NKAIN2: variants seen among roughly 807,000 people sequenced by gnomAD.
NKAIN2 encodes the protein sodium/potassium transporting ATPase interacting 2, also known as sodium/potassium-transporting ATPase subunit beta-1-interacting protein 2.
NKAIN2 carries 14 observed loss-of-function variants against 32.6 expected under a neutral mutation model. The ratio of observed to expected loss-of-function variants is 0.43; its 90% confidence interval spans 0.28 to 0.67. The LOEUF is 0.67. Among genes scored for constraint, NKAIN2 ranks in the 30% least tolerant of loss-of-function variants. NKAIN2 has a pLI of 0.17. For synonymous variants in NKAIN2, 80 were observed against 87.2 expected (o/e 0.92, Z 0.46); for missense variants, 198 against 258.3 (o/e 0.77, Z 1.60).
intron 1 of NKAIN2, among the ~76,000 whole-genome samples, chr6:123,901,599 G>A (rs1383519612): frequency 6.6e-6 from 1 of 152,100 alleles, no homozygotes; most frequent in Non-Finnish European, 1.5e-5. Flanking sequence ...GTAAATTTAT[G>A]GTAGACATTT....
chr6:124,278,627 CACAA>C (rs1350728111), intron 1 of NKAIN2, among the ~76,000 whole-genome samples: 1 of 137,498 alleles, frequency 7.3e-6, no homozygotes, highest in African/African-American at 2.7e-5. Flanking sequence ...TACATACACA[CACAA>C]ACACACATAT....
chr6:123,916,607 C>T (rs1045262843), intron 1 of NKAIN2, among the ~76,000 whole-genome samples: 4 of 151,754 alleles, frequency 2.6e-5, no homozygotes, highest in East Asian at 1.9e-4. Context: ...TGCAGAAGAA[C>T]GAAGAAGATG....
In NKAIN2 at chr6:124,076,553, T is replaced by C. The variant is rs9491064; in HGVS notation, c.55-206452T>C. Reference sequence around the variant, plus strand: ...GAAAGTAATCTAGCCTGTCTTGCTCTCTGCTTTAGATGGAACACGTGAGGG... The same window carrying C: ...GAAAGTAATCTAGCCTGTCTTGCTCCCTGCTTTAGATGGAACACGTGAGGG... On this transcript the variant is annotated intron_variant, in intron 1 of 6. Transcript: ENST00000368417. Among the ~76,000 whole-genome samples the C allele has an allele frequency of 8.5e-5, 13 of 152,354 alleles. No homozygotes were observed. The East Asian group carries it at 1.2e-3, about 14-fold the overall frequency.
chr6:124,275,140 A>T (rs1392411170), intron 1 of NKAIN2, among the ~76,000 whole-genome samples: 1 of 152,152 alleles, frequency 6.6e-6, no homozygotes, highest in East Asian at 1.9e-4. Flanking sequence ...GCTATGCAGA[A>T]TGAACAGCTG....
At chr6:123,929,134 A>G (rs1430026679) in intron 1 of NKAIN2, among the ~76,000 whole-genome samples, 2 of 152,106 alleles carry the variant, frequency 1.3e-5, no homozygotes, top group Admixed American at 6.6e-5. Context: ...TGATGTACTG[A>G]CTGTGTTTCA....
At chr6:124,449,346 C>G (rs944114780) in intron 3 of NKAIN2, among the ~76,000 whole-genome samples, 2 of 151,974 alleles carry the variant, frequency 1.3e-5, no homozygotes, top group African/African-American at 4.8e-5. Flanking sequence ...TAGGAATGGA[C>G]AGGCATCCAC....
chr6:124,522,206 A>AAGTT (rs1374642387), intron 3 of NKAIN2, among the ~76,000 whole-genome samples: 3 of 152,120 alleles, frequency 2.0e-5, no homozygotes, highest in Non-Finnish European at 4.4e-5. Flanking sequence ...TATATCTGTA[A>AAGTT]AGTTATATTC....
chr6:124,656,510 C>G (rs1023550186), intron 3 of NKAIN2, among the ~76,000 whole-genome samples: 3 of 152,128 alleles, frequency 2.0e-5, no homozygotes, highest in Non-Finnish European at 2.9e-5. Flanking sequence ...GATATCTAGG[C>G]TAACAGAATT....
At chr6:124,410,634 A>C (rs931280448) in intron 3 of NKAIN2, among the ~76,000 whole-genome samples, 5 of 152,174 alleles carry the variant, frequency 3.3e-5, no homozygotes, top group African/African-American at 1.2e-4. Context: ...TCAATTTTGG[A>C]ATACATGTGG....
chr6:124,706,968 C>T (rs942188451), intron 4 of NKAIN2, among the ~76,000 whole-genome samples: 9 of 151,664 alleles, frequency 5.9e-5, no homozygotes, highest in South Asian at 2.1e-4. Flanking sequence ...ATTAGTATAT[C>T]TCCCAATGCT....
At chr6:124,085,309 A>G (rs1784145706) in intron 1 of NKAIN2, among the ~76,000 whole-genome samples, 1 of 151,872 alleles carries the variant, frequency 6.6e-6, no homozygotes, top group Non-Finnish European at 1.5e-5. Context: ...TGGCTTAAAA[A>G]ATGAAATAAC....
intron 3 of NKAIN2, among the ~76,000 whole-genome samples, chr6:124,552,808 G>A (rs376146781): frequency 2.2e-4 from 33 of 152,160 alleles, no homozygotes; most frequent in Non-Finnish European, 2.8e-4. Flanking sequence ...TATCTCAGTC[G>A]TTAAATTTAA....
chr6:124,731,711 T>TA (rs901765450), intron 4 of NKAIN2, among the ~76,000 whole-genome samples: 82 of 145,748 alleles, frequency 5.6e-4, no homozygotes, highest in East Asian at 1.8e-3. Flanking sequence ...AGGTATAATT[T>TA]AAAAAAAAAA....
intron 1 of NKAIN2, among the ~76,000 whole-genome samples, chr6:124,073,412 A>G (rs939385845): frequency 5.3e-5 from 8 of 152,364 alleles, no homozygotes; most frequent in African/African-American, 1.4e-4. Context: ...CTGATAAAGT[A>G]TATTTAAATA....
At chr6:124,247,514 G>T (rs1036784529) in intron 1 of NKAIN2, among the ~76,000 whole-genome samples, 3 of 152,034 alleles carry the variant, frequency 2.0e-5, no homozygotes, top group African/African-American at 7.2e-5. Context: ...ATATGATATT[G>T]GTATATCAGA....
At chr6:124,049,096 C>T (rs1256933394) in intron 1 of NKAIN2, among the ~76,000 whole-genome samples, 1 of 151,900 alleles carries the variant, frequency 6.6e-6, no homozygotes, top group Non-Finnish European at 1.5e-5. Flanking sequence ...TTGTCATATC[C>T]TTGGCAATTT....
At chr6:124,575,656 G>A (rs921010038) in intron 3 of NKAIN2, among the ~76,000 whole-genome samples, 2 of 152,082 alleles carry the variant, frequency 1.3e-5, no homozygotes, top group East Asian at 1.9e-4. Context: ...CTTCTACCGG[G>A]GAATTGCTTA....
intron 1 of NKAIN2, among the ~76,000 whole-genome samples, chr6:124,118,732 C>T (rs1785737347): frequency 6.6e-6 from 1 of 152,074 alleles, no homozygotes; most frequent in Admixed American, 6.6e-5. Context: ...ATAATTGTGT[C>T]ATTTTGTTAC....
chr6:124,019,733 T>C (rs184377047), intron 1 of NKAIN2, among the ~76,000 whole-genome samples: 2 of 152,266 alleles, frequency 1.3e-5, no homozygotes, highest in African/African-American at 4.8e-5. Flanking sequence ...TGGAAACTTA[T>C]TTGTTTTTTT....
Sources: gnomAD v4.1 joint callset for allele counts (sites outside exome capture counted in the v4.1 genomes callset) on GRCh38, gnomAD v4.1.1 for gene constraint, MANE v1.5 for transcripts, NCBI Gene and HGNC (gene_info 2026-07-23, HGNC 2026-07-21) for gene names.